MAST4: variants seen among roughly 807,000 people sequenced by gnomAD.
MAST4 encodes microtubule associated serine/threonine kinase family member 4, also known as microtubule-associated serine/threonine-protein kinase 4.
In MAST4, 89 loss-of-function variants were observed where a neutral mutation model predicts 162.7. The observed-to-expected ratio is 0.55, with a 90% CI of 0.46 to 0.65. The LOEUF is 0.65. Among genes scored for constraint, MAST4 ranks in the 30% least tolerant of loss-of-function variants. MAST4 has a pLI of 0.00. For missense variants in MAST4, 3,153 were observed against 3,374.0 expected, an observed-to-expected ratio of 0.93 and a Z score of 1.62; for synonymous variants, 1,479 against 1,361.1, an observed-to-expected ratio of 1.09 and a Z score of -1.91.
At chr5:66,729,532 A>G (rs559430954) in intron 1 of MAST4, among the ~76,000 whole-genome samples, 1 of 152,308 alleles carries the variant, frequency 6.6e-6, no homozygotes, top group Non-Finnish European at 1.5e-5. Flanking sequence ...GGCCCCTCAT[A>G]GAGCAGTGTT....
At chr5:66,620,132 G>A (rs905645184) in intron 1 of MAST4, among the ~76,000 whole-genome samples, 15 of 149,478 alleles carry the variant, frequency 1.0e-4, no homozygotes, top group Non-Finnish European at 1.9e-4. Flanking sequence ...TTCGCTGTTA[G>A]CAAAATATTC....
chr5:66,972,441 T>C (rs1161734633), intron 4 of MAST4, among the ~76,000 whole-genome samples: 1 of 152,230 alleles, frequency 6.6e-6, no homozygotes, highest in African/African-American at 2.4e-5. Flanking sequence ...TTTTCTCTCC[T>C]CTTTATATAA....
chr5:66,944,096 C>G (rs1357848708), intron 4 of MAST4, among the ~76,000 whole-genome samples: 1 of 152,100 alleles, frequency 6.6e-6, no homozygotes, highest in Non-Finnish European at 1.5e-5. Context: ...TCTGATTTTG[C>G]TATTTTTAAA....
chr5:66,912,218 G>A (rs1763823449), intron 4 of MAST4, among the ~76,000 whole-genome samples: 1 of 152,216 alleles, frequency 6.6e-6, no homozygotes, highest in African/African-American at 2.4e-5. Flanking sequence ...GCAGGACAAA[G>A]TGAGGGAGAG....
At chr5:66,651,092 C>T (rs950413270) in intron 1 of MAST4, among the ~76,000 whole-genome samples, 1 of 152,152 alleles carries the variant, frequency 6.6e-6, no homozygotes, top group African/African-American at 2.4e-5. Context: ...ATGTTAACTG[C>T]ACTTAATCCC....
At chr5:66,612,531 G>C (rs1743358153) in intron 1 of MAST4, among the ~76,000 whole-genome samples, 1 of 152,186 alleles carries the variant, frequency 6.6e-6, no homozygotes, top group African/African-American at 2.4e-5. Flanking sequence ...TGGTGGGTGG[G>C]GAGGGAAGGA....
chr5:66,814,126 C>G (rs1464560023), intron 3 of MAST4, among the ~76,000 whole-genome samples: 1 of 152,170 alleles, frequency 6.6e-6, no homozygotes, highest in Non-Finnish European at 1.5e-5. Flanking sequence ...TGTTCCTTCT[C>G]TCTCCCCTGG....
intron 3 of MAST4, among the ~76,000 whole-genome samples, chr5:66,804,383 C>T (rs745984345): frequency 1.5e-4 from 23 of 152,138 alleles, no homozygotes; most frequent in Non-Finnish European, 3.1e-4. Context: ...CTGTGGTTGG[C>T]GTGGCTTCCA....
intron 4 of MAST4, among the ~76,000 whole-genome samples, chr5:66,989,972 C>T (rs1351304552): frequency 3.3e-5 from 5 of 152,064 alleles, no homozygotes; most frequent in Non-Finnish European, 5.9e-5. Flanking sequence ...CTGTGCTCTC[C>T]GGCAAGCCCT....
chr5:66,788,940 A>G (rs1166121856), intron 3 of MAST4, 146 bp downstream of exon 3: 4 of 1,159,756 alleles, frequency 3.4e-6, no homozygotes, highest in Admixed American at 7.2e-5. Flanking sequence ...CTTGCTTTCA[A>G]TGTGCTAATT....
At chr5:66,680,722 C>T (rs1748273962) in intron 1 of MAST4, among the ~76,000 whole-genome samples, 1 of 152,170 alleles carries the variant, frequency 6.6e-6, no homozygotes, top group Admixed American at 6.5e-5. Context: ...GTTTTTCCCC[C>T]TTCTTTGTGG....
At chr5:66,664,350 G>T (rs760646670) in intron 1 of MAST4, among the ~76,000 whole-genome samples, 96 of 148,520 alleles carry the variant, frequency 6.5e-4, no homozygotes, top group Non-Finnish European at 1.0e-3. Flanking sequence ...TAGGAGAATC[G>T]CTTGAACCCG....
chr5:66,782,797 A>T (rs1233473330), intron 2 of MAST4, among the ~76,000 whole-genome samples: 1 of 152,242 alleles, frequency 6.6e-6, no homozygotes, highest in Non-Finnish European at 1.5e-5. Context: ...TTATCCATTA[A>T]TTTCCACCCT....
At chr5:67,011,256 G>A (rs1172073625) in intron 4 of MAST4, among the ~76,000 whole-genome samples, 4 of 152,030 alleles carry the variant, frequency 2.6e-5, no homozygotes, top group African/African-American at 9.7e-5. Flanking sequence ...TAGTCCACAG[G>A]AGACTGAAGC....
intron 5 of MAST4, among the ~76,000 whole-genome samples, chr5:67,057,573 T>G (rs1426832159): frequency 5.1e-5 from 6 of 118,708 alleles, no homozygotes; most frequent in Admixed American, 9.1e-5. Context: ...AAAAGAACAG[T>G]GAATAGCACA....
rs779234371 is a variant in MAST4, at chr5:67,068,660, G to A, written c.763+14168G>A. Among the ~76,000 whole-genome samples the A allele has an allele frequency of 5.9e-5, 9 of 152,264 alleles. 1 individual carries two copies. The Middle Eastern group carries it at 0.01, about 173-fold the overall frequency. On this transcript the variant is annotated intron_variant, in intron 5 of 28. Transcript: ENST00000403625. ...CACTTAAATAGATAGTGGTGGTGGG[G>A]TGGGAAGAAACCTCACTTTTCCAAA... is the stretch of plus-strand genomic sequence containing the variant.
chr5:66,730,537 A>G (rs903989235), intron 1 of MAST4, among the ~76,000 whole-genome samples: 2 of 152,198 alleles, frequency 1.3e-5, no homozygotes, highest in East Asian at 1.9e-4. Flanking sequence ...TTATAAGGGC[A>G]TTTGACATAA....
chr5:66,777,830 G>C (rs1047811653), intron 2 of MAST4, among the ~76,000 whole-genome samples: 1 of 151,934 alleles, frequency 6.6e-6, no homozygotes, highest in African/African-American at 2.4e-5. Context: ...AGACAGAGAG[G>C]GAGCTGACAA....
At chr5:67,142,273 C>G (rs1312190710) in intron 20 of MAST4, 36 bp downstream of exon 20, 1 of 1,605,228 alleles carries the variant, frequency 6.2e-7, no homozygotes. Context: ...ATTGTTTGGC[C>G]TTTACTCGAT....
Sources: gnomAD v4.1 joint callset for allele counts (sites outside exome capture counted in the v4.1 genomes callset) on GRCh38, gnomAD v4.1.1 for gene constraint, MANE v1.5 for transcripts, NCBI Gene and HGNC (gene_info 2026-07-23, HGNC 2026-07-21) for gene names.